Variants in NLN observed in about 807,000 individuals in gnomAD.
The protein encoded by NLN is neurolysin, mitochondrial.
Under a neutral mutation model 79.9 loss-of-function variants are expected in NLN, and 64 were observed. The observed-to-expected ratio is 0.80, with a 90% CI of 0.65 to 0.99. The LOEUF is 0.99. NLN is among the 50% of genes least tolerant of loss of function. The probability of loss-of-function intolerance (pLI) is 0.00; values close to 1 mark genes in which losing one functional copy is unlikely to be tolerated. For missense variants in NLN, 835 were observed against 858.7 expected (o/e 0.97, Z 0.34); for synonymous variants, 267 against 296.6 (o/e 0.90, Z 1.02).
At chr5:65,747,311 A>T (rs766129699) in intron 1 of NLN, among the ~76,000 whole-genome samples, 1 of 152,148 alleles carries the variant, frequency 6.6e-6, no homozygotes, top group Non-Finnish European at 1.5e-5. Flanking sequence ...TGGGAGGCAG[A>T]TGTTTGTGGG....
At chr5:65,776,538 A>G (rs1426275550) in intron 3 of NLN, among the ~76,000 whole-genome samples, 1 of 152,196 alleles carries the variant, frequency 6.6e-6, no homozygotes, top group East Asian at 1.9e-4. Context: ...AGGCTTTAGA[A>G]ACAAGTCCCT....
chr5:65,768,902 C>A (rs533318998), intron 3 of NLN, among the ~76,000 whole-genome samples: 47 of 152,346 alleles, frequency 3.1e-4, no homozygotes, highest in African/African-American at 1.1e-3. Context: ...AGCCTATTTA[C>A]AAATACAGCC....
Position 65,822,857 on chromosome 5 carries a change from TG to T in NLN, c.2058del (p.Lys687AsnfsTer10). 6.2e-7 allele frequency: 1 copy of T among 1,612,974 alleles called. No homozygotes were observed. Among genetic ancestry groups the T allele is most frequent in the Non-Finnish European group, 8.5e-7 (1 of 1,178,974 alleles). On this transcript the variant is annotated frameshift_variant, in exon 13 of 13. Transcript: ENST00000380985. LOFTEE classifies it high-confidence loss of function. ...LDGMDMLHNF[L>X]KREPNQKAFL... is the part of the protein sequence containing the mutation. ...GGCATGGACATGCTCCACAATTTCT[TG>T]AAACGTGAGCCAAACCAAAAAGCGT... is the stretch of plus-strand genomic sequence containing the variant.
intron 1 of NLN, among the ~76,000 whole-genome samples, chr5:65,743,948 C>T (rs111518248): frequency 0.017 from 2,541 of 152,346 alleles, 83 homozygotes; most frequent in African/African-American, 0.058. Flanking sequence ...TTAGAAGTTA[C>T]ATCCTCATTG....
intron 3 of NLN, among the ~76,000 whole-genome samples, chr5:65,769,187 G>T (rs1465213057): frequency 2.0e-5 from 3 of 152,190 alleles, no homozygotes; most frequent in African/African-American, 7.2e-5. Context: ...ACCGCATTCT[G>T]CCCAGATTCA....
At chr5:65,781,780 C>T (rs1759805274) in intron 6 of NLN, among the ~76,000 whole-genome samples, 1 of 152,192 alleles carries the variant, frequency 6.6e-6, no homozygotes, top group African/African-American at 2.4e-5. Flanking sequence ...CCGTGATCTG[C>T]CTCTCTAGCT....
chr5:65,787,582 A>G (rs1024459849), intron 7 of NLN, among the ~76,000 whole-genome samples: 22 of 152,214 alleles, frequency 1.4e-4, no homozygotes, highest in African/African-American at 5.3e-4. Context: ...GGTTCTCAGA[A>G]GTTTCTCCAG....
At chr5:65,767,625 A>C (rs944269115) in intron 3 of NLN, among the ~76,000 whole-genome samples, 5 of 152,200 alleles carry the variant, frequency 3.3e-5, no homozygotes, top group African/African-American at 1.2e-4. Context: ...AAATTTCTAC[A>C]GCTGGCTTGA....
At chr5:65,777,032 G>A (rs892124985) in intron 3 of NLN, among the ~76,000 whole-genome samples, 5 of 152,148 alleles carry the variant, frequency 3.3e-5, no homozygotes, top group Non-Finnish European at 7.3e-5. Flanking sequence ...CTTTCAAGTA[G>A]GAACCAGGTT....
intron 9 of NLN, among the ~76,000 whole-genome samples, chr5:65,802,248 G>C (rs1433765184): frequency 6.6e-6 from 1 of 152,232 alleles, no homozygotes; most frequent in Non-Finnish European, 1.5e-5. Context: ...GTGCATGAGT[G>C]AGCAAGCATG....
intron 5 of NLN, among the ~76,000 whole-genome samples, chr5:65,780,527 CT>C (rs879391184): frequency 0.016 from 2,329 of 145,964 alleles, 46 homozygotes; most frequent in African/African-American, 0.05. Context: ...ACTTAATAAT[CT>C]TTTTTTTTTT....
chr5:65,758,537 A>G (rs938366347), intron 1 of NLN, 30 bp from the exon 2 acceptor site: 3 of 1,539,426 alleles, frequency 1.9e-6, no homozygotes, highest in Non-Finnish European at 2.7e-6. Context: ...AGAAATCCCT[A>G]ATTCTTATTC....
intron 1 of NLN, among the ~76,000 whole-genome samples, chr5:65,745,751 C>A (rs991880169): frequency 2.0e-5 from 3 of 152,078 alleles, no homozygotes; most frequent in Non-Finnish European, 2.9e-5. Flanking sequence ...TGAACTTGAT[C>A]CTGAAGTCAC....
At chr5:65,725,097 G>C (rs973540267) in intron 1 of NLN, among the ~76,000 whole-genome samples, 1 of 152,046 alleles carries the variant, frequency 6.6e-6, no homozygotes, top group African/African-American at 2.4e-5. Flanking sequence ...GAGCCACTGC[G>C]CCCGGCAGAA....
At chr5:65,731,865 G>A (rs2561214) in intron 1 of NLN, among the ~76,000 whole-genome samples, 35,795 of 143,164 alleles carry the variant, frequency 0.25, 4,381 homozygotes, top group African/African-American at 0.29. Flanking sequence ...GTCCTCCCAC[G>A]TCAGCCTTCC....
At chr5:65,766,389 G>A (rs1301687534) in intron 3 of NLN, among the ~76,000 whole-genome samples, 1 of 152,076 alleles carries the variant, frequency 6.6e-6, no homozygotes, top group Non-Finnish European at 1.5e-5. Flanking sequence ...AGAGCACAGG[G>A]GAAGCACCAG....
At chr5:65,758,916 C>G (rs1478415470) in intron 2 of NLN, 90 bp downstream of exon 2, 1 of 1,203,718 alleles carries the variant, frequency 8.3e-7, no homozygotes, top group East Asian at 2.4e-5. Flanking sequence ...TCCAGTTTTA[C>G]AAGCATTGAT....
intron 9 of NLN, among the ~76,000 whole-genome samples, chr5:65,801,538 A>C (rs545699219): frequency 2.6e-5 from 4 of 152,320 alleles, no homozygotes; most frequent in African/African-American, 9.6e-5. Flanking sequence ...TTTGAAAAAT[A>C]TTTAAATGAT....
chr5:65,728,391 A>C (rs1456100973), intron 1 of NLN, among the ~76,000 whole-genome samples: 1 of 152,194 alleles, frequency 6.6e-6, no homozygotes, highest in South Asian at 2.1e-4. Flanking sequence ...AACTTCCTGC[A>C]ATGAGTAATA....
Sources: allele counts gnomAD v4.1 joint callset (sites outside exome capture counted in the v4.1 genomes callset), GRCh38; gene constraint gnomAD v4.1.1; transcripts MANE v1.5; gene names NCBI Gene and HGNC (gene_info 2026-07-23, HGNC 2026-07-21).